Variants in REPS1 observed in about 807,000 individuals in gnomAD.
REPS1 encodes the protein RALBP1 associated Eps domain containing 1.
A neutral mutation model predicts 100.9 loss-of-function variants in REPS1; 39 were observed. The observed-to-expected ratio is 0.39, with a 90% CI of 0.30 to 0.50. The LOEUF (loss-of-function observed/expected upper bound fraction) is 0.50. Among genes scored for constraint, REPS1 ranks in the 20% least tolerant of loss-of-function variants. The pLI is 0.86. For missense variants in REPS1, 821 were observed against 968.5 expected (o/e 0.85, Z 2.02); for synonymous variants, 324 against 340.3 (o/e 0.95, Z 0.53).
intron 1 of REPS1, among the ~76,000 whole-genome samples, chr6:138,955,777 T>C (rs1783346961): frequency 6.6e-6 from 1 of 152,176 alleles, no homozygotes; most frequent in Non-Finnish European, 1.5e-5. Flanking sequence ...TCATGGTTTA[T>C]GTCATTCATA....
intron 19 of REPS1, chr6:138,907,262 G>C (rs1000275800): frequency 1.2e-5 from 4 of 325,978 alleles, no homozygotes; most frequent in Non-Finnish European, 2.3e-5. Flanking sequence ...CTTGAGCCCA[G>C]GTTGCCAGGG....
At chr6:138,934,167 A>C (rs1198937507) in intron 8 of REPS1, 1 of 290,132 alleles carries the variant, frequency 3.4e-6, no homozygotes, top group Non-Finnish European at 7.3e-6. Context: ...GCCCACCCAC[A>C]AATGTTAGTC....
intron 1 of REPS1, among the ~76,000 whole-genome samples, chr6:138,952,588 T>C (rs571766339): frequency 8.6e-5 from 13 of 151,872 alleles, no homozygotes; most frequent in Middle Eastern, 3.4e-3. Flanking sequence ...TTAGTAGAGA[T>C]GGAGTTTCAC....
At chr6:138,972,007 T>C (rs1784371300) in intron 1 of REPS1, among the ~76,000 whole-genome samples, 1 of 152,222 alleles carries the variant, frequency 6.6e-6, no homozygotes, top group African/African-American at 2.4e-5. Flanking sequence ...CTGAGTTTTA[T>C]TCACAACTTG....
chr6:138,948,201 C>T (rs1448747304), intron 1 of REPS1, among the ~76,000 whole-genome samples: 1 of 152,108 alleles, frequency 6.6e-6, no homozygotes, highest in Non-Finnish European at 1.5e-5. Flanking sequence ...AAACAACGTA[C>T]CACCCACTCT....
chr6:138,969,635 C>T (rs1784221932), intron 1 of REPS1, among the ~76,000 whole-genome samples: 1 of 151,942 alleles, frequency 6.6e-6, no homozygotes, highest in South Asian at 2.1e-4. Flanking sequence ...TGAGCACAAG[C>T]TTTGCCATCG....
intron 1 of REPS1, among the ~76,000 whole-genome samples, chr6:138,986,260 T>C (rs1365314942): frequency 2.0e-5 from 3 of 152,240 alleles, no homozygotes; most frequent in Non-Finnish European, 4.4e-5. Flanking sequence ...GGACTCCTCG[T>C]TGCCCTTCAC....
At position 138,921,976 on chromosome 6, in the gene REPS1, A is replaced by AGTGTGTGTGT. The variant is rs71895504; in HGVS notation, c.1339-862_1339-853dup. ...GACAGAGCTAGACCACATCTCAAAA[A>AGTGTGTGTGT]GTGTGTGTGTGTGTGTGTGTGTGTG... On this transcript the variant is annotated intron_variant, in intron 10 of 19. Coordinates refer to ENST00000450536, the MANE Select transcript of REPS1 (RefSeq NM_001286611.2). Among the ~76,000 whole-genome samples the AGTGTGTGTGT allele has an allele frequency of 5.7e-3, 843 of 148,596 alleles. 15 individuals carry two copies. Among genetic ancestry groups the AGTGTGTGTGT allele is most frequent in the African/African-American group, 0.019 (780 of 40,486 alleles).
At chr6:138,969,964 G>T (rs59753441) in intron 1 of REPS1, among the ~76,000 whole-genome samples, 11,003 of 148,494 alleles carry the variant, frequency 0.074, 769 homozygotes, top group East Asian at 0.21. Flanking sequence ...CCTATTCGGG[G>T]TGCCAGTAGG....
At chr6:138,907,342 C>A in intron 19 of REPS1, 153 bp downstream of exon 19, 3 of 271,398 alleles carry the variant, frequency 1.1e-5, no homozygotes, top group Non-Finnish European at 1.5e-5. Flanking sequence ...GTGTGTGTGG[C>A]GGGGAGGGGT....
rs145714205 is a variant in REPS1, at chr6:138,939,546, G to A, written c.1135+1789C>T. ...AGATTCACTGACAAATATAACAGAC[G>A]ACAGAATCAGACAAGCCTCTACAAA... On this transcript the variant is annotated intron_variant, in intron 8 of 19. Transcript: ENST00000450536. Among the ~76,000 whole-genome samples the A allele has an allele frequency of 5.6e-3, 848 of 152,186 alleles. 20 individuals are homozygous for A. The highest frequency in any genetic ancestry group is 0.05 in the Admixed American group (757 of 15,284).
At chr6:138,942,888 G>A (rs1424114399) in intron 7 of REPS1, among the ~76,000 whole-genome samples, 1 of 151,790 alleles carries the variant, frequency 6.6e-6, no homozygotes, top group Non-Finnish European at 1.5e-5. Context: ...CCCAGTAGTT[G>A]GGATTACAGG....
Position 138,987,754 on chromosome 6 carries a change from G to A in REPS1, c.-72C>T, listed in dbSNP as rs561265810. On this transcript the variant is annotated 5_prime_UTR_variant, in exon 1 of 20. Coordinates refer to ENST00000450536, the MANE Select transcript of REPS1 (RefSeq NM_001286611.2). The stretch of plus-strand genomic sequence containing the variant: ...GGCCCGGCCCCAGGAACCTGGGCCG[G>A]CAGGGGCTGCGCGTGGCCCGGCCTC... The A allele has an allele frequency of 5.6e-6, 8 of 1,419,768 alleles. No homozygotes were observed. The African/African-American group carries it at 1.1e-4, about 19-fold the overall frequency. The allele number at this position is 1,419,768 out of a possible 1,614,324, so 87.9% of individuals were successfully genotyped here.
rs759381261 is a variant in REPS1 at position 138,945,289 on chromosome 6, G to A, written c.558C>T (p.Ser186=). 34 of 1,611,578 alleles carry A rather than the reference G, an allele frequency of 2.1e-5. No homozygotes were observed. The East Asian group carries it at 3.1e-4, about 15-fold the overall frequency. Residue 186 remains serine, a synonymous_variant, in exon 4 of 20, where the codon AGC becomes AGT. Transcript: ENST00000450536. ...CGAGAGGCCTCTCACTATTCCCACC[G>A]CTGGGATGACGGCTGTGCTTCCTCC... is the stretch of plus-strand genomic sequence containing the variant. The part of the protein sequence containing the change: ...HTWRKHSRHP[S]GGNSERPLAG...
At chr6:138,951,927 T>C (rs948656420) in intron 1 of REPS1, among the ~76,000 whole-genome samples, 1 of 152,208 alleles carries the variant, frequency 6.6e-6, no homozygotes, top group Non-Finnish European at 1.5e-5. Context: ...GCAGTTCACT[T>C]TTTCTCTAGC....
At chr6:138,926,309 C>A (rs1207823878) in intron 10 of REPS1, 92 bp downstream of exon 10, 1 of 934,930 alleles carries the variant, frequency 1.1e-6, no homozygotes, top group Non-Finnish European at 1.7e-6. Flanking sequence ...AAGCACTCCA[C>A]TGAATCATGC....
Position 138,914,595 on chromosome 6 carries a change from A to G in REPS1, c.1785+102T>C, listed in dbSNP as rs1201392748. 3.9e-5 allele frequency: 35 copies of G among 906,328 alleles called. No individual in the cohort carries two copies. The East Asian group carries it at 8.5e-4, about 22-fold the overall frequency. 56.1% of individuals were successfully genotyped at this position (906,328 alleles called of 1,614,324 possible). On this transcript the variant is annotated intron_variant, in intron 15 of 19. Coordinates refer to ENST00000450536, the MANE Select transcript of REPS1 (RefSeq NM_001286611.2). ...ATTAAATGCTCATTAAAGATTACCA[A>G]CAGATCATTCCTGACCTTCCAAATA...
intron 1 of REPS1, among the ~76,000 whole-genome samples, chr6:138,951,608 C>T (rs769107407): frequency 2.8e-4 from 43 of 152,104 alleles, no homozygotes; most frequent in Non-Finnish European, 5.9e-4. Flanking sequence ...CAGCAGAGCT[C>T]GCAAACTACT....
chr6:138,905,083 C>T lies in REPS1; in HGVS notation c.2372G>A (p.Arg791Gln). Reference sequence around the variant, plus strand: ...ATTGGCTTATAGGTGAGAGAATGGTCGAAGTTGTTCCAGTTGAACTTCCAG... The same window carrying T: ...ATTGGCTTATAGGTGAGAGAATGGTTGAAGTTGTTCCAGTTGAACTTCCAG... ...ISLEVQLEQLRPFSHL is the reference protein window; with the variant it reads ...ISLEVQLEQLQPFSHL Residue 791 changes from arginine (R) to glutamine (Q), a missense_variant, in exon 20 of 20, where the codon CGA (arginine) becomes CAA (glutamine). This residue lies in a region of REPS1 where 757 missense variants were observed against 866.4 expected (regional missense o/e 0.87). Transcript: ENST00000450536. 3 of 1,613,762 alleles carry T rather than the reference C, an allele frequency of 1.9e-6. No homozygotes were observed. Among genetic ancestry groups the T allele is most frequent in the Middle Eastern group, 1.7e-4 (1 of 6,060 alleles).
Sources: allele counts gnomAD v4.1 joint callset (sites outside exome capture counted in the v4.1 genomes callset), GRCh38; gene constraint gnomAD v4.1.1; regional missense constraint gnomAD v4.1.1; transcripts MANE v1.5; gene names NCBI Gene and HGNC (gene_info 2026-07-23, HGNC 2026-07-21).